Variants in EPHA5 observed in about 807,000 individuals in gnomAD.
EPHA5 encodes ephrin type-A receptor 5.
Under a neutral mutation model 105.0 loss-of-function variants are expected in EPHA5, and 60 were observed. The observed-to-expected ratio is 0.57, with a 90% CI of 0.46 to 0.71. The LOEUF (loss-of-function observed/expected upper bound fraction) is 0.71. Among genes scored for constraint, EPHA5 ranks in the 30% least tolerant of loss-of-function variants. The pLI is 0.00. For synonymous variants in EPHA5, 513 were observed against 449.1 expected, an observed-to-expected ratio of 1.14 and a Z score of -1.80; for missense variants, 1,218 against 1,274.7, an observed-to-expected ratio of 0.96 and a Z score of 0.68.
intron 3 of EPHA5, among the ~76,000 whole-genome samples, chr4:65,542,281 T>C (rs898845087): frequency 1.3e-5 from 2 of 151,658 alleles, no homozygotes; most frequent in East Asian, 3.9e-4. Context: ...CATCAAAAAA[T>C]CAATAAATCC....
chr4:65,484,325 T>G (rs1168278886), intron 5 of EPHA5, among the ~76,000 whole-genome samples: 1 of 152,156 alleles, frequency 6.6e-6, no homozygotes, highest in East Asian at 1.9e-4. Flanking sequence ...ACACCATGCT[T>G]GTCAACTACA....
At chr4:65,374,309 C>T (rs1718775898) in intron 8 of EPHA5, among the ~76,000 whole-genome samples, 1 of 151,804 alleles carries the variant, frequency 6.6e-6, no homozygotes, top group African/African-American at 2.4e-5. Context: ...GCAGGGAGAA[C>T]ATTTGGAATA....
chr4:65,585,950 GA>G (rs1250227998), intron 3 of EPHA5, among the ~76,000 whole-genome samples: 1 of 150,052 alleles, frequency 6.7e-6, no homozygotes, highest in African/African-American at 2.4e-5. Context: ...AATACACTGA[GA>G]AATACAAAAG....
chr4:65,478,324 A>T (rs1033152188), intron 5 of EPHA5, among the ~76,000 whole-genome samples: 1 of 152,218 alleles, frequency 6.6e-6, no homozygotes, highest in African/African-American at 2.4e-5. Flanking sequence ...AACTTCAATG[A>T]TTTATCAAAT....
chr4:65,525,805 T>C (rs559259689), intron 3 of EPHA5, among the ~76,000 whole-genome samples: 34 of 152,078 alleles, frequency 2.2e-4, no homozygotes, highest in African/African-American at 7.9e-4. Context: ...TGTTTCTATT[T>C]CTTTCCTTCA....
intron 14 of EPHA5, among the ~76,000 whole-genome samples, chr4:65,343,924 A>C (rs563722976): frequency 6.6e-6 from 1 of 152,282 alleles, no homozygotes; most frequent in South Asian, 2.1e-4. Flanking sequence ...AAGTAATTTG[A>C]AATACAGTTA....
intron 5 of EPHA5, among the ~76,000 whole-genome samples, chr4:65,474,174 A>T (rs1425349472): frequency 6.6e-6 from 1 of 152,148 alleles, no homozygotes; most frequent in Non-Finnish European, 1.5e-5. Flanking sequence ...GTATAACAAT[A>T]ATAATAAAGA....
intron 3 of EPHA5, among the ~76,000 whole-genome samples, chr4:65,538,436 A>G (rs1165082244): frequency 6.6e-6 from 1 of 151,884 alleles, no homozygotes; most frequent in East Asian, 1.9e-4. Flanking sequence ...ATATCCCTGA[A>G]TGTAGAACTA....
intron 3 of EPHA5, among the ~76,000 whole-genome samples, chr4:65,496,526 A>G (rs1731957040): frequency 6.6e-6 from 1 of 151,356 alleles, no homozygotes. Flanking sequence ...GATGATTTCC[A>G]ATTTCATCCA....
chr4:65,465,873 T>C (rs140859548), intron 5 of EPHA5, among the ~76,000 whole-genome samples: 2,449 of 152,334 alleles, frequency 0.016, 28 homozygotes, highest in Non-Finnish European at 0.026. Context: ...CGTTCACTCA[T>C]TTTTTTGAAA....
At chr4:65,630,722 C>T (rs1396174370) in intron 2 of EPHA5, among the ~76,000 whole-genome samples, 1 of 152,172 alleles carries the variant, frequency 6.6e-6, no homozygotes, top group Non-Finnish European at 1.5e-5. Context: ...ATTGAGGTTG[C>T]TGCAGACCTG....
At chr4:65,643,910 A>T (rs1412953722) in intron 1 of EPHA5, among the ~76,000 whole-genome samples, 1 of 152,144 alleles carries the variant, frequency 6.6e-6, no homozygotes, top group Admixed American at 6.5e-5. Context: ...AGATTGTAAC[A>T]TTTTTTGTGA....
At chr4:65,484,986 G>T (rs932495058) in intron 5 of EPHA5, among the ~76,000 whole-genome samples, 5 of 151,668 alleles carry the variant, frequency 3.3e-5, no homozygotes, top group Non-Finnish European at 1.5e-5. Context: ...AATATTATTT[G>T]GCAAAGAAAG....
At chr4:65,630,575 C>G (rs1341747055) in intron 2 of EPHA5, among the ~76,000 whole-genome samples, 1 of 152,148 alleles carries the variant, frequency 6.6e-6, no homozygotes, top group Non-Finnish European at 1.5e-5. Context: ...CTGCTTGGCC[C>G]TCTTCCACGT....
intron 1 of EPHA5, among the ~76,000 whole-genome samples, chr4:65,651,660 A>T (rs1168880235): frequency 6.6e-6 from 1 of 152,082 alleles, no homozygotes; most frequent in African/African-American, 2.4e-5. Context: ...ATCTTTATTT[A>T]TTTTACCCCA....
intron 3 of EPHA5, among the ~76,000 whole-genome samples, chr4:65,529,837 C>A (rs114746473): frequency 1.3e-3 from 192 of 152,146 alleles, no homozygotes; most frequent in African/African-American, 4.4e-3. Context: ...ATGATCCATT[C>A]TTACAAAGTT....
chr4:65,590,499 A>G (rs1323171147), intron 3 of EPHA5, among the ~76,000 whole-genome samples: 2 of 152,168 alleles, frequency 1.3e-5, no homozygotes, highest in African/African-American at 4.8e-5. Context: ...CACTTCCTAG[A>G]AAGAACTATG....
chr4:65,325,937 A>G (rs926289436), intron 16 of EPHA5, among the ~76,000 whole-genome samples: 2 of 150,622 alleles, frequency 1.3e-5, no homozygotes, highest in South Asian at 4.2e-4. Context: ...TCATTTTTAC[A>G]AGATAAATTG....
At chr4:65,637,569 C>CATATATATATATATATATATATATATAT (rs34456844) in intron 2 of EPHA5, among the ~76,000 whole-genome samples, 1 of 112,438 alleles carries the variant, frequency 8.9e-6, no homozygotes, top group Non-Finnish European at 1.9e-5. Context: ...ATGAGTTTTG[C>CATATATATATATATATATATATATATAT]ATATATATAT....
Sources: gnomAD v4.1 joint callset for allele counts (sites outside exome capture counted in the v4.1 genomes callset) on GRCh38, gnomAD v4.1.1 for gene constraint, MANE v1.5 for transcripts, NCBI Gene and HGNC (gene_info 2026-07-23, HGNC 2026-07-21) for gene names.